The following DNAH3 variants were observed in gnomAD, a reference collection of about 807,000 sequenced individuals.
The protein encoded by DNAH3 is axonemal beta dynein heavy chain 3.
A neutral mutation model predicts 432.5 loss-of-function variants in DNAH3; 332 were observed. The observed-to-expected ratio is 0.77, with a 90% CI of 0.70 to 0.84. The LOEUF (loss-of-function observed/expected upper bound fraction) is 0.84, where lower values mean the gene tolerates loss of function less well. Ranked by LOEUF, DNAH3 falls within the 40% of genes least tolerant of loss-of-function variation. DNAH3 has a pLI of 0.00. For missense variants in DNAH3, 4,861 were observed against 5,114.0 expected, an observed-to-expected ratio of 0.95 and a Z score of 1.51; for synonymous variants, 1,956 against 1,900.2, an observed-to-expected ratio of 1.03 and a Z score of -0.76.
chr16:21,051,041 T>C (rs2089933456), intron 29 of DNAH3, among the ~76,000 whole-genome samples: 1 of 152,100 alleles, frequency 6.6e-6, no homozygotes, highest in African/African-American at 2.4e-5. Flanking sequence ...AATAAATAAA[T>C]GAATGAAGAG....
chr16:20,935,115 C>T (rs1027529463), intron 61 of DNAH3, among the ~76,000 whole-genome samples: 4 of 152,074 alleles, frequency 2.6e-5, no homozygotes, highest in East Asian at 1.9e-4. Flanking sequence ...GGTGTTCTGA[C>T]GGAATCTGGA....
chr16:21,145,544 T>C (rs560978687), intron 2 of DNAH3, 138 bp from the exon 4 acceptor site: 20 of 718,432 alleles, frequency 2.8e-5, no homozygotes, highest in South Asian at 7.0e-5. Context: ...AGTGGAAAGA[T>C]TGTCTGAACA....
intron 17 of DNAH3, among the ~76,000 whole-genome samples, chr16:21,098,262 C>G (rs973332888): frequency 3.3e-5 from 5 of 151,380 alleles, no homozygotes; most frequent in African/African-American, 1.2e-4. Context: ...GCCAACATGG[C>G]AAAACTCTCT....
intron 50 of DNAH3, 67 bp downstream of exon 50, chr16:20,979,263 C>T: frequency 8.7e-6 from 13 of 1,494,322 alleles, no homozygotes; most frequent in African/African-American, 1.4e-5. Flanking sequence ...CGCACCTGAA[C>T]ACATGCCTCG....
Position 21,154,954 on chromosome 16 carries a change from T to TC in DNAH3, c.117+4370_117+4371insG, listed in dbSNP as rs1421281182. ...TCAATCTTCTTTTTCTTTCTTTCTT[T>TC]TTTTTTTTTTTTTGAGATGGAATCT... On this transcript the variant is annotated intron_variant, in intron 1 of 61. Transcript: ENST00000261383. Among the ~76,000 whole-genome samples the TC allele has an allele frequency of 4.0e-5, 6 of 149,870 alleles. No homozygotes were observed. In the East Asian group the frequency reaches 9.7e-4, roughly 24 times the overall value.
At chr16:21,044,178 A>G (rs1480640318) in intron 31 of DNAH3, among the ~76,000 whole-genome samples, 1 of 119,130 alleles carries the variant, frequency 8.4e-6, no homozygotes, top group Non-Finnish European at 1.7e-5. Flanking sequence ...TTCCATATGA[A>G]CTTTAAAGTA....
rs963246764 is a variant in DNAH3 at position 20,961,888 on chromosome 16, G to A, written c.10600+1396C>T. Among the ~76,000 whole-genome samples the A allele has an allele frequency of 7.5e-5, 11 of 147,422 alleles. No individual in the cohort carries two copies. In the East Asian group the frequency reaches 2.3e-3, roughly 30 times the overall value. ...AGCAATTCTCCTGCCTCAGCCTCCC[G>A]AGTAGCTCACACCAGTAATCCCAGC... is the stretch of plus-strand genomic sequence containing the variant. On this transcript the variant is annotated intron_variant, in intron 53 of 61. Coordinates refer to ENST00000261383, the Ensembl canonical transcript of DNAH3.
chr16:20,980,397 G>A (rs1314342770), intron 49 of DNAH3, among the ~76,000 whole-genome samples: 1 of 132,920 alleles, frequency 7.5e-6, no homozygotes, highest in Non-Finnish European at 1.7e-5. Context: ...GAGAGAGACA[G>A]GATTGCACTC....
At chr16:21,017,446 G>T (rs922257049) in intron 41 of DNAH3, among the ~76,000 whole-genome samples, 1 of 152,136 alleles carries the variant, frequency 6.6e-6, no homozygotes, top group African/African-American at 2.4e-5. Context: ...AGGCTAATCA[G>T]AAAACTCAAA....
intron 7 of DNAH3, 65 bp downstream of exon 8, chr16:21,134,194 T>A: frequency 2.6e-6 from 4 of 1,512,046 alleles, no homozygotes; most frequent in Non-Finnish European, 3.6e-6. Flanking sequence ...CACAGCAGAA[T>A]AGGCTTGCTT....
exon 53 of DNAH3, chr16:20,964,877 A>C (rs1405994887): frequency 1.4e-5 from 23 of 1,614,160 alleles, no homozygotes; most frequent in Non-Finnish European, 1.9e-5. Flanking sequence ...ACAGTTCCTG[A>C]GGACAGCAAC....
At chr16:20,960,585 C>A (rs985984695) in intron 53 of DNAH3, among the ~76,000 whole-genome samples, 2 of 152,126 alleles carry the variant, frequency 1.3e-5, no homozygotes, top group African/African-American at 2.4e-5. Context: ...GCCTGTAGTC[C>A]GAGCTACTCG....
chr16:20,993,948 C>A (rs1255850597), intron 44 of DNAH3, among the ~76,000 whole-genome samples: 1 of 152,128 alleles, frequency 6.6e-6, no homozygotes, highest in Non-Finnish European at 1.5e-5. Flanking sequence ...ACAATGTGCT[C>A]TTCCAGTATG....
chr16:20,933,541 T>C, intron 61 of DNAH3, 34 bp from the exon 62 acceptor site: 3 of 1,514,352 alleles, frequency 2.0e-6, no homozygotes, highest in Non-Finnish European at 2.7e-6. Context: ...CTCCATTGCC[T>C]GCCATTTTCC....
In DNAH3 at chr16:21,141,487, GGTAC is replaced by G. The variant is rs966806329; in HGVS notation, c.449-119_449-116del. On this transcript the variant is annotated intron_variant, in intron 3 of 61. Coordinates refer to ENST00000261383, the Ensembl canonical transcript of DNAH3. ...GGAGCACACTAAGGGGAGCGGACATGGTACGGTGTGACGTGGCAGGAGATGTGGG... is the reference window on the plus strand; with the variant it reads ...GGAGCACACTAAGGGGAGCGGACATGGGTGTGACGTGGCAGGAGATGTGGG... 235 of 709,936 alleles carry G rather than the reference GGTAC, an allele frequency of 3.3e-4. 1 individual carries two copies. The African/African-American group carries it at 4.0e-3, about 12-fold the overall frequency. 44.0% of individuals were successfully genotyped at this position (709,936 alleles called of 1,614,324 possible).
At chr16:20,980,066 C>G (rs1258982695) in intron 49 of DNAH3, among the ~76,000 whole-genome samples, 1 of 150,968 alleles carries the variant, frequency 6.6e-6, no homozygotes, top group Non-Finnish European at 1.5e-5. Context: ...GGTCTTTGAT[C>G]AAGTCATTTC....
intron 57 of DNAH3, among the ~76,000 whole-genome samples, chr16:20,946,750 T>C (rs1047742632): frequency 6.6e-6 from 1 of 151,354 alleles, no homozygotes; most frequent in Non-Finnish European, 1.5e-5. Flanking sequence ...TCTCTGACCT[T>C]CTCTTTCCCT....
chr16:21,023,809 G>A (rs772392538), intron 39 of DNAH3, among the ~76,000 whole-genome samples: 24 of 151,888 alleles, frequency 1.6e-4, no homozygotes, highest in Non-Finnish European at 3.4e-4. Context: ...GTGTGTGTGT[G>A]TGTGTGTGTG....
intron 1 of DNAH3, among the ~76,000 whole-genome samples, chr16:21,157,026 A>ACACACAG (rs1350953793): frequency 1.3e-5 from 1 of 75,900 alleles, no homozygotes; most frequent in Non-Finnish European, 2.7e-5. Context: ...CACACACACA[A>ACACACAG]TCTTTTCCTG....
Sources: allele counts gnomAD v4.1 joint callset (sites outside exome capture counted in the v4.1 genomes callset), GRCh38; gene constraint gnomAD v4.1.1; transcripts MANE v1.5; gene names NCBI Gene and HGNC (gene_info 2026-07-23, HGNC 2026-07-21).